Variants in MECOM observed in about 807,000 individuals in gnomAD.
MECOM encodes MDS1 and EVI1 complex locus.
A neutral mutation model predicts 116.3 loss-of-function variants in MECOM; 13 were observed. The ratio of observed to expected loss-of-function variants is 0.11; its 90% CI spans 0.07 to 0.18. The LOEUF is 0.18. MECOM is among the 10% of genes least tolerant of loss of function. MECOM has a pLI of 1.00. For synonymous variants in MECOM, 528 were observed against 535.2 expected (o/e 0.99, Z 0.19); for missense variants, 1,299 against 1,509.0 (o/e 0.86, Z 2.31).
At chr3:169,111,359 AT>A (rs1441938841) in intron 9 of MECOM, among the ~76,000 whole-genome samples, 2 of 152,172 alleles carry the variant, frequency 1.3e-5, no homozygotes, top group Non-Finnish European at 2.9e-5. Flanking sequence ...TGTAACATTA[AT>A]GTATACATGA....
At chr3:169,508,581 G>A (rs570041090) in intron 1 of MECOM, among the ~76,000 whole-genome samples, 51 of 152,198 alleles carry the variant, frequency 3.4e-4, no homozygotes, top group Non-Finnish European at 5.6e-4. Context: ...TGTCAATCCT[G>A]TAAATAAGTT....
At chr3:169,300,380 A>C (rs1180057686) in intron 2 of MECOM, among the ~76,000 whole-genome samples, 1 of 152,242 alleles carries the variant, frequency 6.6e-6, no homozygotes, top group Non-Finnish European at 1.5e-5. Flanking sequence ...TAAATCATTC[A>C]AATAGAAAAC....
rs571413832 is a variant in MECOM at position 169,449,017 on chromosome 3, T to C, written c.38-67493A>G. 2.6e-5 allele frequency among the ~76,000 whole-genome samples: 4 copies of C among 152,280 alleles called. No homozygotes were observed. In the East Asian group the frequency reaches 7.7e-4, roughly 29 times the overall value. On this transcript the variant is annotated intron_variant, in intron 1 of 16. Coordinates refer to ENST00000651503, the MANE Select transcript of MECOM (RefSeq NM_004991.4). Reference sequence around the variant, plus strand: ...CCTGTAGCCAATCTACCAGGAGTAGTATCTGTCAACAGAGAGAACATCATA... The same window carrying C: ...CCTGTAGCCAATCTACCAGGAGTAGCATCTGTCAACAGAGAGAACATCATA...
chr3:169,641,326 C>G (rs985193214), intron 1 of MECOM, among the ~76,000 whole-genome samples: 3 of 152,188 alleles, frequency 2.0e-5, no homozygotes, highest in Non-Finnish European at 4.4e-5. Flanking sequence ...AGTATACTGA[C>G]TGTTCTCTAT....
chr3:169,566,033 A>G (rs758300377), intron 1 of MECOM: 4 of 420,594 alleles, frequency 9.5e-6, no homozygotes, highest in South Asian at 7.1e-5. Flanking sequence ...AGGGGAAACA[A>G]GGACCTTCTT....
intron 1 of MECOM, among the ~76,000 whole-genome samples, chr3:169,433,134 A>G (rs549834571): frequency 5.5e-4 from 84 of 152,316 alleles, no homozygotes; most frequent in African/African-American, 1.9e-3. Flanking sequence ...AAATGGAAAA[A>G]AAGTATTCTA....
At chr3:169,500,560 A>G (rs1485891129) in intron 1 of MECOM, among the ~76,000 whole-genome samples, 1 of 151,966 alleles carries the variant, frequency 6.6e-6, no homozygotes, top group Non-Finnish European at 1.5e-5. Flanking sequence ...TCTTTTCTAA[A>G]CAAACTTTTT....
intron 2 of MECOM, among the ~76,000 whole-genome samples, chr3:169,375,832 G>A (rs893961005): frequency 6.6e-6 from 1 of 151,748 alleles, no homozygotes; most frequent in Admixed American, 6.6e-5. Context: ...CATTTTATGA[G>A]GCCAGCATCA....
chr3:169,381,442 G>A lies in MECOM; in HGVS notation c.120C>T (p.Ser40=), dbSNP rs570291681. The A allele has an allele frequency of 6.2e-7, 1 of 1,613,756 alleles. No homozygotes were observed. Among genetic ancestry groups the A allele is most frequent in the South Asian group, 1.1e-5 (1 of 91,068 alleles). ...PDADGVASTP[S]LNIQEPCSPA... ...GAGAGCATGGCTCTTGAATATTGAG[G>A]GAGGGAGTGCTGGCTACTCCATCTG... The change falls in exon 2 of 17, where the codon TCC becomes TCT. Residue 40 remains serine (S), a synonymous_variant. Transcript: ENST00000651503.
intron 2 of MECOM, among the ~76,000 whole-genome samples, chr3:169,220,068 T>G (rs575575809): frequency 2.6e-5 from 4 of 152,142 alleles, no homozygotes; most frequent in African/African-American, 9.6e-5. Context: ...GGCTCATGCC[T>G]GCAATCCCAA....
chr3:169,355,538 A>G (rs1727127085), intron 2 of MECOM, among the ~76,000 whole-genome samples: 1 of 151,954 alleles, frequency 6.6e-6, no homozygotes, highest in Admixed American at 6.6e-5. Flanking sequence ...CAATTATTGC[A>G]CCCAGAGGCT....
chr3:169,087,830 T>C (rs191945263), intron 16 of MECOM, among the ~76,000 whole-genome samples: 1 of 152,220 alleles, frequency 6.6e-6, no homozygotes, highest in African/African-American at 2.4e-5. Context: ...CCTTTTACAA[T>C]GAAGAAATGG....
At chr3:169,214,227 C>T (rs1052921840) in intron 2 of MECOM, among the ~76,000 whole-genome samples, 1 of 151,880 alleles carries the variant, frequency 6.6e-6, no homozygotes, top group Non-Finnish European at 1.5e-5. Context: ...AATTAGCAGG[C>T]CTCACTCAGC....
intron 1 of MECOM, among the ~76,000 whole-genome samples, chr3:169,472,583 GAA>G (rs1473253865): frequency 1.9e-4 from 10 of 52,064 alleles, no homozygotes; most frequent in African/African-American, 1.2e-3. Context: ...GAGAGGAGAG[GAA>G]AGGAAAGGAA....
At chr3:169,178,258 G>A (rs1745465984) in intron 2 of MECOM, among the ~76,000 whole-genome samples, 1 of 152,212 alleles carries the variant, frequency 6.6e-6, no homozygotes, top group Admixed American at 6.5e-5. Context: ...AGAAGAATTT[G>A]CAGGAGCCAG....
chr3:169,205,168 C>A (rs1749740759), intron 2 of MECOM, among the ~76,000 whole-genome samples: 1 of 152,090 alleles, frequency 6.6e-6, no homozygotes, highest in Admixed American at 6.6e-5. Flanking sequence ...ACCTTACATG[C>A]CAAGTCTCAG....
intron 1 of MECOM, among the ~76,000 whole-genome samples, chr3:169,642,934 G>A (rs1773687726): frequency 2.0e-5 from 3 of 152,124 alleles, no homozygotes; most frequent in Admixed American, 1.3e-4. Context: ...ATTATCAGGA[G>A]AATGAAAACC....
intron 1 of MECOM, among the ~76,000 whole-genome samples, chr3:169,583,930 T>A (rs1234524548): frequency 6.6e-6 from 1 of 152,200 alleles, no homozygotes; most frequent in East Asian, 1.9e-4. Flanking sequence ...ATCAATTATT[T>A]GAGAAATATT....
At chr3:169,526,491 A>G (rs1388042057) in intron 1 of MECOM, among the ~76,000 whole-genome samples, 2 of 152,230 alleles carry the variant, frequency 1.3e-5, no homozygotes, top group African/African-American at 4.8e-5. Context: ...AGCCTGGTCC[A>G]ATAAATGAGG....
Sources: gnomAD v4.1 joint callset for allele counts (sites outside exome capture counted in the v4.1 genomes callset) on GRCh38, gnomAD v4.1.1 for gene constraint, MANE v1.5 for transcripts, NCBI Gene and HGNC (gene_info 2026-07-23, HGNC 2026-07-21) for gene names.